The following LZTR1 variants were observed in gnomAD, a reference collection of about 807,000 sequenced individuals.
LZTR1 encodes the protein leucine zipper like post translational regulator 1.
A neutral mutation model predicts 105.7 loss-of-function variants in LZTR1; 260 were observed. That is an observed-to-expected ratio of 2.46 (90% CI 2.22 to 2.72). LZTR1 has a LOEUF of 2.72. Ranked by LOEUF, LZTR1 falls within the 30% of genes most tolerant of loss-of-function variation. LZTR1 has a pLI of 0.00. For synonymous variants in LZTR1, 490 were observed against 476.4 expected, an observed-to-expected ratio of 1.03 and a Z score of -0.37; for missense variants, 1,214 against 1,166.9, an observed-to-expected ratio of 1.04 and a Z score of -0.59.
intron 2 of LZTR1, among the ~76,000 whole-genome samples, chr22:20,985,214 T>C (rs1924337724): frequency 1.3e-5 from 2 of 151,820 alleles, no homozygotes; most frequent in Non-Finnish European, 2.9e-5. Flanking sequence ...CCTGCCACCA[T>C]GCCAGGCTAA....
intron 16 of LZTR1, 39 bp downstream of exon 16, chr22:20,995,065 G>A (rs1924781957): frequency 1.3e-6 from 2 of 1,578,754 alleles, no homozygotes; most frequent in South Asian, 2.3e-5. Context: ...GGCTGGGAGG[G>A]ATGGTGTTCA....
At position 20,992,095 on chromosome 22, in the gene LZTR1, C is replaced by A. The variant is rs2072066; in HGVS notation, c.994-119C>A. On this transcript the variant is annotated intron_variant, in intron 9 of 20. Coordinates refer to ENST00000646124, the MANE Select transcript of LZTR1 (RefSeq NM_006767.4). ...CTGCAGACCTTTCCTGGGAAGCCCA[C>A]GGCCATGCAGCTCTTCCTTCTTTCA... 2.9e-6 allele frequency: 3 copies of A among 1,030,760 alleles called. No homozygotes were observed. The Admixed American group carries it at 6.9e-5, about 24-fold the overall frequency. 63.9% of individuals were successfully genotyped at this position (1,030,760 alleles called of 1,614,324 possible).
At position 20,994,276 on chromosome 22, in the gene LZTR1, C is replaced by G. The variant is rs747235913; in HGVS notation, c.1615+7C>G. On this transcript the variant is annotated splice_region_variant and intron_variant, in intron 14 of 20. Transcript: ENST00000646124. ...ATCAAATACCCACGGAAAGGTCCGC[C>G]TGGGTGGGGGTGGAGCAGGGTTGGT... 8 of 1,596,994 alleles carry G rather than the reference C, an allele frequency of 5.0e-6. No individual in the cohort carries two copies. Among genetic ancestry groups the G allele is most frequent in the Non-Finnish European group, 5.9e-6 (7 of 1,178,896 alleles).
intron 16 of LZTR1, chr22:20,995,320 G>A (rs1276684307): frequency 1.5e-6 from 1 of 648,740 alleles, no homozygotes; most frequent in South Asian, 1.5e-5. Flanking sequence ...GATGGCCCAG[G>A]GTCACGGTGA....
chr22:20,982,417 C>A lies in LZTR1; in HGVS notation c.46C>A (p.Leu16Met). Residue 16 changes from leucine to methionine, a missense_variant, in exon 1 of 21, where the codon CTG (leucine) becomes ATG (methionine). By Grantham distance (15) the Leu-to-Met change is conservative. Transcript: ENST00000646124. The part of the protein sequence containing the change: ...STGGQIGAAA[L>M]AGGARSKVAP... ...GGGGGGGCAGATCGGGGCTGCGGCC[C>A]TGGCAGGCGGCGCGCGGTCCAAGGT... is the stretch of plus-strand genomic sequence containing the variant. 6.4e-7 allele frequency: 1 copy of A among 1,572,516 alleles called. No homozygotes were observed. Among genetic ancestry groups the A allele is most frequent in the East Asian group, 2.3e-5 (1 of 42,904 alleles).
Position 20,990,526 on chromosome 22 carries a change from G to A in LZTR1, c.791+1G>A, listed in dbSNP as rs148031742. The A allele has an allele frequency of 4.0e-5, 65 of 1,608,382 alleles. No individual in the cohort carries two copies. Among genetic ancestry groups the A allele is most frequent in the Middle Eastern group, 1.6e-4 (1 of 6,064 alleles). Reference sequence around the variant, plus strand: ...TCCAGTTTGAATTCAAGGACAAGACGTGAGTACTCTGGCCAGTGGGGTGGA... The same window carrying A: ...TCCAGTTTGAATTCAAGGACAAGACATGAGTACTCTGGCCAGTGGGGTGGA... On this transcript the variant is annotated splice_donor_variant, in intron 8 of 20. Transcript: ENST00000646124. LOFTEE classifies it high-confidence loss of function.
At chr22:20,995,497 G>A in intron 16 of LZTR1, 1 of 684,916 alleles carries the variant, frequency 1.5e-6, no homozygotes, top group East Asian at 2.9e-5. Flanking sequence ...CAGCGAGGGG[G>A]TACAGCAAGC....
Position 20,997,610 on chromosome 22 carries a change from G to A in LZTR1, c.*262G>A, listed in dbSNP as rs1316906483. On this transcript the variant is annotated 3_prime_UTR_variant, in exon 21 of 21. Transcript: ENST00000646124. ...CCCTCTCCTGGTGTAGTGTGGATGCGAGGCCACGGCTCAGTGATGGGCTCA... is the reference window on the plus strand; with the variant it reads ...CCCTCTCCTGGTGTAGTGTGGATGCAAGGCCACGGCTCAGTGATGGGCTCA... 5 of 396,394 alleles carry A rather than the reference G, an allele frequency of 1.3e-5. No homozygotes were observed. Among genetic ancestry groups the A allele is most frequent in the South Asian group, 5.6e-5 (2 of 35,578 alleles). The allele number at this position is 396,394 out of a possible 1,614,324, so 24.6% of individuals were successfully genotyped here.
chr22:20,988,739 A>T (rs767914667), intron 5 of LZTR1, 50 bp from the exon 6 acceptor site: 29 of 1,408,476 alleles, frequency 2.1e-5, no homozygotes, highest in Middle Eastern at 1.8e-4. Context: ...TGGGTGGCTC[A>T]GGTCTGTGCT....
At chr22:20,994,497 G>A in intron 14 of LZTR1, 61 bp from the exon 15 acceptor site, 1 of 1,554,896 alleles carries the variant, frequency 6.4e-7, no homozygotes, top group Non-Finnish European at 8.7e-7. Flanking sequence ...GGGGAGCCCT[G>A]CGCCCTGTGC....
chr22:20,983,629 C>T (rs975886165), intron 2 of LZTR1, among the ~76,000 whole-genome samples: 1 of 152,180 alleles, frequency 6.6e-6, no homozygotes, highest in Non-Finnish European at 1.5e-5. Context: ...GTCCATGTGT[C>T]CTAGCCCTGC....
Position 20,991,733 on chromosome 22 carries a change from T to TG in LZTR1, c.902dup (p.Ala302CysfsTer14). On this transcript the variant is annotated frameshift_variant, in exon 9 of 21. Coordinates refer to ENST00000646124, the MANE Select transcript of LZTR1 (RefSeq NM_006767.4). LOFTEE classifies it high-confidence loss of function. ...CCTTTGACCGCCACCTCTATGTGTT[T>TG]GGGGGTGCGGCCGACAACACGCTGC... is the stretch of plus-strand genomic sequence containing the variant. 6.3e-7 allele frequency: 1 copy of TG among 1,578,530 alleles called. No individual in the cohort carries two copies. The highest frequency in any genetic ancestry group is 8.6e-7 in the Non-Finnish European group (1 of 1,162,378).
chr22:20,995,026 G>T lies in LZTR1; in HGVS notation c.1942G>T (p.Gly648Cys), dbSNP rs1417500183. 1.2e-6 allele frequency: 2 copies of T among 1,605,638 alleles called. No homozygotes were observed. The highest frequency in any genetic ancestry group is 1.3e-5 in the African/African-American group (1 of 74,894). Residue 648 changes from glycine (G) to cysteine (C), a missense_variant and splice_region_variant, in exon 16 of 21, where the codon GGC becomes TGC. Transcript: ENST00000646124. ...TCCCTTGGACCAGCCAGTGGACATT[G>T]GTAGGGAGCCCCGTTCCCCTTCCCT... ...RTPLDQPVDI[G>C]TSLIQDMKAY... is the part of the protein sequence containing the mutation.
intron 14 of LZTR1, 36 bp downstream of exon 14, chr22:20,994,305 G>T (rs367853703): frequency 8.8e-6 from 14 of 1,588,082 alleles, no homozygotes; most frequent in Middle Eastern, 1.7e-4. Context: ...GGTTGGTGTG[G>T]GCTGGGGTGC....
In LZTR1 at chr22:20,996,942, C is replaced by T; in HGVS notation, c.2382C>T (p.His794=). 6.2e-7 allele frequency: 1 copy of T among 1,613,684 alleles called. No individual in the cohort carries two copies. Among genetic ancestry groups the T allele is most frequent in the South Asian group, 1.1e-5 (1 of 91,074 alleles). ...QALDMKRHCL[H]IIVHQFTKVS... is the part of the protein sequence containing the mutation. ...TGGACATGAAGCGGCACTGCCTGCA[C>T]ATCATTGTGCACCAGTTCACCAAGG... is the stretch of plus-strand genomic sequence containing the variant. The change falls in exon 20 of 21, where the codon CAC becomes CAT. Residue 794 remains histidine, a synonymous_variant. Coordinates refer to ENST00000646124, the MANE Select transcript of LZTR1 (RefSeq NM_006767.4).
chr22:20,984,825 G>A lies in LZTR1; in HGVS notation c.264-1016G>A, dbSNP rs538563494. Among the ~76,000 whole-genome samples, 27 of 152,346 alleles carry A rather than the reference G, an allele frequency of 1.8e-4. 1 individual carries two copies. The highest frequency in any genetic ancestry group is 1.4e-3 in the Admixed American group (21 of 15,302). On this transcript the variant is annotated intron_variant, in intron 2 of 20. Coordinates refer to ENST00000646124, the MANE Select transcript of LZTR1 (RefSeq NM_006767.4). ...CGGGGCACTGGGCTCCTGTCAGTTT[G>A]CCCTTCTTCCCAAGGGCTGGGTAGT... is the stretch of plus-strand genomic sequence containing the variant.
At chr22:20,989,343 C>T (rs143916021) in intron 6 of LZTR1, among the ~76,000 whole-genome samples, 91 of 152,360 alleles carry the variant, frequency 6.0e-4, no homozygotes, top group African/African-American at 2.0e-3. Flanking sequence ...TGTGTCCTCT[C>T]CCCACCCAGG....
chr22:20,993,696 A>G lies in LZTR1; in HGVS notation c.1295A>G (p.Asp432Gly). 4 of 1,613,574 alleles carry G rather than the reference A, an allele frequency of 2.5e-6. No homozygotes were observed. Among genetic ancestry groups the G allele is most frequent in the Non-Finnish European group, 3.4e-6 (4 of 1,179,952 alleles). The change falls in exon 12 of 21, where the codon GAC becomes GGC. Residue 432 changes from aspartate to glycine, a missense_variant. By Grantham distance (94) the Asp-to-Gly change is moderately conservative (BLOSUM62 -1). Coordinates refer to ENST00000646124, the MANE Select transcript of LZTR1 (RefSeq NM_006767.4). ...SCYPKCTLHE[D>G]YGRLWESRQF... Reference sequence around the variant, plus strand: ...TACCCTAAATGCACGCTGCACGAGGACTACGGGCGGCTGTGGGAGAGCCGC... The same window carrying G: ...TACCCTAAATGCACGCTGCACGAGGGCTACGGGCGGCTGTGGGAGAGCCGC...
chr22:20,987,540 C>G lies in LZTR1; in HGVS notation c.357C>G (p.Tyr119Ter), dbSNP rs1482222775. Residue 119 changes from tyrosine to a stop codon, truncating the protein, a stop_gained, in exon 4 of 21, where the codon TAC becomes TAG. Transcript: ENST00000646124. LOFTEE classifies it high-confidence loss of function. ...FTTGTPPAPR[Y>*]HHSAVVYGSS... Reference sequence around the variant, plus strand: ...CTGGGACCCCACCGGCCCCCCGTTACCACCACTCGGCCGTCGTCTATGGGA... The same window carrying G: ...CTGGGACCCCACCGGCCCCCCGTTAGCACCACTCGGCCGTCGTCTATGGGA... 6 of 1,614,154 alleles carry G rather than the reference C, an allele frequency of 3.7e-6. No individual in the cohort carries two copies. Among genetic ancestry groups the G allele is most frequent in the East Asian group, 2.2e-5 (1 of 44,880 alleles).
Sources: allele counts gnomAD v4.1 joint callset (sites outside exome capture counted in the v4.1 genomes callset), GRCh38; gene constraint gnomAD v4.1.1; transcripts MANE v1.5; gene names NCBI Gene and HGNC (gene_info 2026-07-23, HGNC 2026-07-21).